BCL7B: variants seen among roughly 807,000 people sequenced by gnomAD.
BCL7B encodes the protein BAF chromatin remodeling complex subunit BCL7B, also known as B-cell CLL/lymphoma 7 protein family member B.
Under a neutral mutation model 26.5 loss-of-function variants are expected in BCL7B, and 11 were observed. The observed-to-expected ratio is 0.42, with a 90% CI of 0.26 to 0.69. The LOEUF is 0.69. Ranked by LOEUF, BCL7B falls within the 30% of genes least tolerant of loss-of-function variation. The pLI, the probability that BCL7B is intolerant of heterozygous loss-of-function variation, is 0.28. For synonymous variants in BCL7B, 111 were observed against 107.9 expected (o/e 1.03, Z -0.18); for missense variants, 215 against 264.4 (o/e 0.81, Z 1.30).
Position 73,537,382 on chromosome 7 carries a change from C to T in BCL7B, c.525G>A (p.Glu175=). 6.2e-7 allele frequency: 1 copy of T among 1,614,012 alleles called. No individual in the cohort carries two copies. The highest frequency in any genetic ancestry group is 1.1e-5 in the South Asian group (1 of 91,072). The change falls in exon 6 of 6, where the codon GAG becomes GAA. Residue 175 remains glutamate, a synonymous_variant. Transcript: ENST00000223368. ...GCGGGGCACCTGAGTCTTCCTCTTC[C>T]TCAACGACCTAGGAGCAGGCAGAGC... ...EPVPLETQVV[E]EEEDSGAPPL... is the part of the protein sequence containing the mutation.
intron 2 of BCL7B, 70 bp downstream of exon 2, chr7:73,552,097 A>C: frequency 7.2e-7 from 1 of 1,380,446 alleles, no homozygotes; most frequent in Non-Finnish European, 1.0e-6. Flanking sequence ...CGTCCCAAAA[A>C]AAAAAAAAAA....
chr7:73,541,748 T>C (rs1389849220), intron 3 of BCL7B, among the ~76,000 whole-genome samples: 1 of 152,196 alleles, frequency 6.6e-6, no homozygotes, highest in East Asian at 1.9e-4. Flanking sequence ...ATTACAGGCA[T>C]GAGCCACCAC....
chr7:73,547,063 A>T (rs2115783896), intron 2 of BCL7B, among the ~76,000 whole-genome samples: 1 of 152,280 alleles, frequency 6.6e-6, no homozygotes, highest in South Asian at 2.1e-4. Context: ...GAGGCAGAAG[A>T]ATCACTTGAA....
chr7:73,540,829 CAAAAAAAAA>C (rs56111929), intron 3 of BCL7B, among the ~76,000 whole-genome samples: 4,884 of 50,942 alleles, frequency 0.096, 184 homozygotes, highest in Middle Eastern at 0.13. Context: ...GACTCTGTCT[CAAAAAAAAA>C]AAAAAAAAAA....
intron 1 of BCL7B, among the ~76,000 whole-genome samples, chr7:73,554,796 CAAA>C (rs550024405): frequency 4.9e-5 from 3 of 60,816 alleles, no homozygotes; most frequent in Non-Finnish European, 3.5e-5. Flanking sequence ...GACTGGGTCT[CAAA>C]AAAAAAAAAA....
chr7:73,556,027 C>A (rs1554584675), intron 1 of BCL7B, among the ~76,000 whole-genome samples: 1 of 151,978 alleles, frequency 6.6e-6, no homozygotes, highest in African/African-American at 2.4e-5. Context: ...AGGGGATGGC[C>A]CTTCAGCCTA....
chr7:73,556,710 C>T (rs1161788867), intron 1 of BCL7B, among the ~76,000 whole-genome samples: 1 of 152,224 alleles, frequency 6.6e-6, no homozygotes, highest in African/African-American at 2.4e-5. Context: ...CAGCCTCCAA[C>T]TCCTGGGTCC....
intron 2 of BCL7B, among the ~76,000 whole-genome samples, chr7:73,549,575 G>A (rs544607419): frequency 3.3e-5 from 5 of 152,276 alleles, no homozygotes; most frequent in East Asian, 1.9e-4. Context: ...TTGGGAGGCC[G>A]AGGTGGGAAG....
intron 3 of BCL7B, among the ~76,000 whole-genome samples, chr7:73,542,267 T>C (rs1438436208): frequency 6.6e-6 from 1 of 152,218 alleles, no homozygotes; most frequent in Admixed American, 6.5e-5. Flanking sequence ...TGGAGCCTCA[T>C]ATGTCTCCCA....
chr7:73,552,539 G>A (rs1443223057), intron 1 of BCL7B, among the ~76,000 whole-genome samples: 2 of 152,028 alleles, frequency 1.3e-5, no homozygotes, highest in African/African-American at 4.8e-5. Context: ...AACACTTTGG[G>A]AGACTGAGGT....
chr7:73,556,148 T>C (rs923080114), intron 1 of BCL7B, among the ~76,000 whole-genome samples: 7 of 152,192 alleles, frequency 4.6e-5, no homozygotes, highest in African/African-American at 9.7e-5. Flanking sequence ...ACCATGAGTA[T>C]GTTAAACTAA....
intron 1 of BCL7B, chr7:73,557,191 C>T: frequency 9.7e-7 from 1 of 1,034,316 alleles, no homozygotes. Context: ...GGGCCGGGCG[C>T]GGGCACCGAC....
In BCL7B at chr7:73,557,649, G is replaced by GCCGC. The variant is rs1353164129; in HGVS notation, c.-75_-72dup. 1.0e-4 allele frequency: 96 copies of GCCGC among 953,726 alleles called. No individual in the cohort carries two copies. The African/African-American group carries it at 1.4e-3, about 13-fold the overall frequency. The allele number at this position is 953,726 out of a possible 1,614,324, so 59.1% of individuals were successfully genotyped here. ...CCGGGGATCGCGCGCCTCACGCGCCGCCGCCCGCCCGCCGCCGCCGCAGCG... is the reference window on the plus strand; with the variant it reads ...CCGGGGATCGCGCGCCTCACGCGCCGCCGCCCGCCCGCCCGCCGCCGCCGCAGCG... On this transcript the variant is annotated 5_prime_UTR_variant, in exon 1 of 6. Coordinates refer to ENST00000223368, the MANE Select transcript of BCL7B (RefSeq NM_001707.4).
rs782276064 is a variant in BCL7B, at chr7:73,552,177, T to A, written c.158A>T (p.Asp53Val). ...TTCTTCCACACTTACCTCCTTGCTG[T>A]CTGTCACAGGAACCCACTTAAATAT... is the stretch of plus-strand genomic sequence containing the variant. ...LRIFKWVPVT[D>V]SKEKEKSKSN... Residue 53 changes from aspartate (D) to valine (V), a missense_variant, in exon 2 of 6, where the codon GAC (aspartate) becomes GTC (valine). Coordinates refer to ENST00000223368, the MANE Select transcript of BCL7B (RefSeq NM_001707.4). The A allele has an allele frequency of 6.2e-7, 1 of 1,609,740 alleles. No homozygotes were observed. Among genetic ancestry groups the A allele is most frequent in the Non-Finnish European group, 8.5e-7 (1 of 1,178,664 alleles).
At chr7:73,556,828 G>A (rs1165326279) in intron 1 of BCL7B, among the ~76,000 whole-genome samples, 3 of 152,164 alleles carry the variant, frequency 2.0e-5, no homozygotes, top group Non-Finnish European at 2.9e-5. Flanking sequence ...AATGATGAAC[G>A]GACTGGGGAA....
chr7:73,538,293 C>CT, intron 4 of BCL7B: 1 of 307,674 alleles, frequency 3.3e-6, no homozygotes, highest in Non-Finnish European at 5.9e-6. Flanking sequence ...CATCACAACT[C>CT]TAACTCAATC....
In BCL7B at chr7:73,537,435, C is replaced by T. The variant is rs959888534; in HGVS notation, c.517-45G>A. The T allele has an allele frequency of 4.1e-6, 6 of 1,460,682 alleles. No individual in the cohort carries two copies. The East Asian group carries it at 9.1e-5, about 22-fold the overall frequency. The allele number at this position is 1,460,682 out of a possible 1,614,324, so 90.5% of individuals were successfully genotyped here. ...GGAATGCCAGGGCCACCCCTCCCAA[C>T]CAGAACCTTCCCACCCACCCGAATT... On this transcript the variant is annotated intron_variant, in intron 5 of 5. Transcript: ENST00000223368.
At chr7:73,546,573 C>G (rs1224058450) in intron 2 of BCL7B, among the ~76,000 whole-genome samples, 4 of 151,480 alleles carry the variant, frequency 2.6e-5, no homozygotes, top group Non-Finnish European at 5.9e-5. Context: ...GAGGCTGAGG[C>G]AGTAGAATCA....
chr7:73,545,214 T>C lies in BCL7B; in HGVS notation c.169-1570A>G, dbSNP rs1330059355. On this transcript the variant is annotated intron_variant, in intron 2 of 5. Coordinates refer to ENST00000223368, the MANE Select transcript of BCL7B (RefSeq NM_001707.4). ...AACGTAATTTTTGTTAATAACTCAATTTTTTGTTTGTTTTTTGAGACAGAG... is the reference window on the plus strand; with the variant it reads ...AACGTAATTTTTGTTAATAACTCAACTTTTTGTTTGTTTTTTGAGACAGAG... 2.0e-5 allele frequency among the ~76,000 whole-genome samples: 3 copies of C among 152,098 alleles called. 1 individual carries two copies. The highest frequency in any genetic ancestry group is 4.4e-5 in the Non-Finnish European group (3 of 68,016).
Sources: allele counts gnomAD v4.1 joint callset (sites outside exome capture counted in the v4.1 genomes callset), GRCh38; gene constraint gnomAD v4.1.1; transcripts MANE v1.5; gene names NCBI Gene and HGNC (gene_info 2026-07-23, HGNC 2026-07-21).